ILDR1: variants seen among roughly 807,000 people sequenced by gnomAD.
ILDR1 encodes immunoglobulin-like domain-containing receptor 1.
A neutral mutation model predicts 62.4 loss-of-function variants in ILDR1; 56 were observed. The ratio of observed to expected loss-of-function variants is 0.90; its 90% CI spans 0.72 to 1.12. The LOEUF is 1.12. ILDR1 is among the 50% of genes most tolerant of loss of function. The pLI, the probability that ILDR1 is intolerant of heterozygous loss-of-function variation, is 0.00. For synonymous variants in ILDR1, 284 were observed against 277.8 expected (o/e 1.02, Z -0.22); for missense variants, 736 against 710.6 (o/e 1.04, Z -0.41).
chr3:122,037,444 A>G, the ILDR1 span, among the ~76,000 whole-genome samples: 1 of 152,224 alleles, frequency 6.6e-6, no homozygotes, highest in African/African-American at 2.4e-5. Context: ...TGGAGCTTTA[A>G]GATTTAATGA....
chr3:122,036,588 C>CAA, the ILDR1 span, among the ~76,000 whole-genome samples: 6 of 98,560 alleles, frequency 6.1e-5, no homozygotes, highest in South Asian at 3.2e-4. Context: ...GACTCCATTT[C>CAA]AAAAAAAAAA....
upstream of ILDR1, among the ~76,000 whole-genome samples, chr3:122,024,251 A>G (rs1430810914): frequency 6.6e-6 from 1 of 152,188 alleles, no homozygotes; most frequent in African/African-American, 2.4e-5. Context: ...TTGAATATAG[A>G]AAGAAATATG....
At chr3:122,001,254 T>C (rs187493717) in intron 5 of ILDR1, 54 bp downstream of exon 5, 1 of 1,604,300 alleles carries the variant, frequency 6.2e-7, no homozygotes, top group Admixed American at 1.7e-5. Context: ...CTGATCTGCT[T>C]GACGTCCTGG....
chr3:121,988,058 G>A lies in ILDR1; in HGVS notation c.*309C>T, dbSNP rs761032107. 6 of 402,802 alleles carry A rather than the reference G, an allele frequency of 1.5e-5. No individual in the cohort carries two copies. The highest frequency in any genetic ancestry group is 2.9e-5 in the Non-Finnish European group (6 of 209,284). The allele number at this position is 402,802 out of a possible 1,614,324, so 25.0% of individuals were successfully genotyped here. A position where few individuals can be genotyped will look rare whatever the true frequency, so the allele number is the denominator to read the frequency against. On this transcript the variant is annotated 3_prime_UTR_variant, in exon 8 of 8. Coordinates refer to ENST00000344209, the MANE Select transcript of ILDR1 (RefSeq NM_001199799.2). ...CTCTTGAGTAGCTGGGACTACAAGTGCATGCCACCACACCTAACTAATTTT... is the reference window on the plus strand; with the variant it reads ...CTCTTGAGTAGCTGGGACTACAAGTACATGCCACCACACCTAACTAATTTT...
At chr3:122,045,052 T>C in the ILDR1 span, among the ~76,000 whole-genome samples, 1 of 152,032 alleles carries the variant, frequency 6.6e-6, no homozygotes, top group Non-Finnish European at 1.5e-5. Flanking sequence ...CTTGTGGGCA[T>C]TTAGTGCTAT....
the ILDR1 span, among the ~76,000 whole-genome samples, chr3:122,049,837 T>A: frequency 6.6e-6 from 1 of 152,182 alleles, no homozygotes; most frequent in Non-Finnish European, 1.5e-5. Flanking sequence ...GGCCCTTTTT[T>A]CTCTTCTACT....
intron 1 of ILDR1, among the ~76,000 whole-genome samples, chr3:122,009,701 C>A (rs2071675025): frequency 6.6e-6 from 1 of 152,220 alleles, no homozygotes; most frequent in African/African-American, 2.4e-5. Context: ...GGTACTCCCA[C>A]AAACAAAACA....
At chr3:122,018,865 G>A (rs941657502) in intron 1 of ILDR1, among the ~76,000 whole-genome samples, 3 of 152,130 alleles carry the variant, frequency 2.0e-5, no homozygotes, top group African/African-American at 7.2e-5. Context: ...GATATATCAG[G>A]GAACTTTGTA....
intron 5 of ILDR1, among the ~76,000 whole-genome samples, chr3:121,998,496 A>C (rs2071470210): frequency 6.6e-6 from 1 of 152,168 alleles, no homozygotes; most frequent in South Asian, 2.1e-4. Flanking sequence ...TTTGTAATCT[A>C]CATTTCTTGA....
At chr3:122,054,910 T>C in the ILDR1 span, among the ~76,000 whole-genome samples, 1 of 152,190 alleles carries the variant, frequency 6.6e-6, no homozygotes, top group Non-Finnish European at 1.5e-5. Context: ...TCCTTGGTTA[T>C]GCAGTCCTTA....
In ILDR1 at chr3:121,988,186, G is replaced by T. The variant is rs1418383192; in HGVS notation, c.*181C>A. On this transcript the variant is annotated 3_prime_UTR_variant, in exon 8 of 8. Transcript: ENST00000344209. ...CTCCCAAAGTGCTGTGATTACAGGT[G>T]TGAGCCACTATACCCAATCTCAAAC... is the stretch of plus-strand genomic sequence containing the variant. 2 of 677,644 alleles carry T rather than the reference G, an allele frequency of 3.0e-6. No homozygotes were observed. Among genetic ancestry groups the T allele is most frequent in the African/African-American group, 3.5e-5 (2 of 56,606 alleles). 42.0% of individuals were successfully genotyped at this position (677,644 alleles called of 1,614,324 possible).
chr3:122,014,129 G>A (rs1018446957), intron 1 of ILDR1, among the ~76,000 whole-genome samples: 5 of 152,132 alleles, frequency 3.3e-5, no homozygotes, highest in Non-Finnish European at 7.4e-5. Context: ...GAATATTCAC[G>A]CACTTAAGGG....
chr3:122,007,222 A>G (rs2107665369), intron 1 of ILDR1, 61 bp from the exon 2 acceptor site: 3 of 1,611,842 alleles, frequency 1.9e-6, no homozygotes, highest in Non-Finnish European at 2.5e-6. Context: ...GGTAAGAAAA[A>G]CAATGCAAAT....
intron 1 of ILDR1, among the ~76,000 whole-genome samples, chr3:122,014,767 AT>A (rs1005531400): frequency 5.3e-5 from 8 of 151,982 alleles, no homozygotes; most frequent in African/African-American, 1.2e-4. Flanking sequence ...CAATCTTTAA[AT>A]TTTTTTTTGA....
At chr3:122,032,756 T>C in the ILDR1 span, among the ~76,000 whole-genome samples, 6 of 152,218 alleles carry the variant, frequency 3.9e-5, no homozygotes, top group Non-Finnish European at 8.8e-5. Flanking sequence ...AGCAGTACTA[T>C]GGAAAGTCCA....
the ILDR1 span, among the ~76,000 whole-genome samples, chr3:122,043,209 A>G: frequency 6.8e-6 from 1 of 146,418 alleles, no homozygotes; most frequent in Non-Finnish European, 1.5e-5. Flanking sequence ...CAGGTTTGTC[A>G]AAGATCAGAT....
In ILDR1 at chr3:121,987,651, AT is replaced by A. The variant is rs1231384023; in HGVS notation, c.*715del. Reference sequence around the variant, plus strand: ...GATACATTCCCATGGGAATGTCCCTATAATACTCCATAGATTTCCTTTTCCT... The same window carrying A: ...GATACATTCCCATGGGAATGTCCCTAAATACTCCATAGATTTCCTTTTCCT... On this transcript the variant is annotated 3_prime_UTR_variant, in exon 8 of 8. Coordinates refer to ENST00000344209, the MANE Select transcript of ILDR1 (RefSeq NM_001199799.2). The A allele has an allele frequency of 6.4e-6, 1 of 156,162 alleles. No homozygotes were observed. The highest frequency in any genetic ancestry group is 1.4e-5 in the Non-Finnish European group (1 of 70,668). The allele number at this position is 156,162 out of a possible 1,614,324, so 9.7% of individuals were successfully genotyped here. A position where few individuals can be genotyped will look rare whatever the true frequency, so the allele number is the denominator to read the frequency against.
At chr3:122,052,124 A>G in the ILDR1 span, among the ~76,000 whole-genome samples, 2 of 152,060 alleles carry the variant, frequency 1.3e-5, no homozygotes, top group Admixed American at 1.3e-4. Context: ...TTCTGGACAC[A>G]TGTTCTATTT....
At chr3:122,007,351 C>A in intron 1 of ILDR1, 190 bp from the exon 2 acceptor site, 1 of 1,255,196 alleles carries the variant, frequency 8.0e-7, no homozygotes, top group Non-Finnish European at 1.1e-6. Context: ...CACTCAGCAG[C>A]CTCAGAGGGA....
Sources: gnomAD v4.1 joint callset for allele counts (sites outside exome capture counted in the v4.1 genomes callset) on GRCh38, gnomAD v4.1.1 for gene constraint, MANE v1.5 for transcripts, NCBI Gene and HGNC (gene_info 2026-07-23, HGNC 2026-07-21) for gene names.